Variants in TMOD3 observed in about 807,000 individuals in gnomAD.
TMOD3 encodes the protein tropomodulin 3.
TMOD3 carries 20 observed loss-of-function variants against 39.2 expected under a neutral mutation model. That is an observed-to-expected ratio of 0.51 (90% CI 0.36 to 0.74). The LOEUF (loss-of-function observed/expected upper bound fraction) is 0.74. TMOD3 is among the 30% of genes least tolerant of loss of function. The pLI is 0.00. For synonymous variants in TMOD3, 143 were observed against 145.8 expected (o/e 0.98, Z 0.14); for missense variants, 381 against 412.8 (o/e 0.92, Z 0.67).
rs535466192 is a variant in TMOD3, at chr15:51,836,055, G to A, written c.-75+6219G>A. On this transcript the variant is annotated intron_variant, in intron 1 of 9. Transcript: ENST00000308580. ...AAAAAAGCTAAGATTTTCAAAGACA[G>A]GATTACCTTTCTGTGGAAATGCAGG... Among the ~76,000 whole-genome samples, 6 of 152,266 alleles carry A rather than the reference G, an allele frequency of 3.9e-5. No individual in the cohort carries two copies. The East Asian group carries it at 1.2e-3, about 29-fold the overall frequency.
In TMOD3 at chr15:51,896,464, A is replaced by G; in HGVS notation, c.673A>G (p.Thr225Ala). ...TLKDFAKALE[T>A]NTHVKCFSLA... Reference sequence around the variant, plus strand: ...AAAAGATTTTGCAAAGGCTTTGGAAACCAACACACATGTGAAATGTTTCAG... The same window carrying G: ...AAAAGATTTTGCAAAGGCTTTGGAAGCCAACACACATGTGAAATGTTTCAG... Residue 225 changes from threonine (T) to alanine (A), a missense_variant, in exon 7 of 10, where the codon ACC becomes GCC. Transcript: ENST00000308580. 6.2e-7 allele frequency: 1 copy of G among 1,613,768 alleles called. No individual in the cohort carries two copies. Among genetic ancestry groups the G allele is most frequent in the South Asian group, 1.1e-5 (1 of 91,026 alleles).
chr15:51,885,952 C>T (rs929393083), intron 3 of TMOD3, among the ~76,000 whole-genome samples: 20 of 150,454 alleles, frequency 1.3e-4, no homozygotes, highest in South Asian at 2.1e-4. Context: ...GGTGGCTGGC[C>T]GGGCAGGGGC....
At chr15:51,880,113 A>G (rs1179423814) in intron 3 of TMOD3, among the ~76,000 whole-genome samples, 2 of 152,178 alleles carry the variant, frequency 1.3e-5, no homozygotes, top group African/African-American at 4.8e-5. Flanking sequence ...TGTCATATGA[A>G]ATTATTCCAG....
At chr15:51,851,209 T>C (rs1314500572) in intron 1 of TMOD3, among the ~76,000 whole-genome samples, 2 of 152,028 alleles carry the variant, frequency 1.3e-5, no homozygotes. Context: ...AGAAAGAAGG[T>C]CAGGGAACTC....
chr15:51,842,320 A>G (rs1170237756), intron 1 of TMOD3, among the ~76,000 whole-genome samples: 3 of 152,176 alleles, frequency 2.0e-5, no homozygotes. Context: ...TCACCAGATT[A>G]CTTTTTTAAA....
At chr15:51,881,602 C>T (rs1428895884) in intron 3 of TMOD3, among the ~76,000 whole-genome samples, 4 of 103,452 alleles carry the variant, frequency 3.9e-5, no homozygotes, top group Non-Finnish European at 6.9e-5. Flanking sequence ...GCTCTTGTTG[C>T]CGGGGCTGGA....
At chr15:51,859,402 A>G in intron 1 of TMOD3, 2 of 681,228 alleles carry the variant, frequency 2.9e-6, no homozygotes, top group Non-Finnish European at 5.6e-6. Context: ...AATGTTCACC[A>G]TCTTGCAGGA....
chr15:51,877,285 G>A (rs1270084180), intron 3 of TMOD3, among the ~76,000 whole-genome samples: 2 of 152,018 alleles, frequency 1.3e-5, no homozygotes, highest in Non-Finnish European at 2.9e-5. Context: ...ACTTTCCAGT[G>A]CTGGATGTAT....
intron 1 of TMOD3, among the ~76,000 whole-genome samples, chr15:51,855,841 T>A (rs142398490): frequency 6.6e-6 from 1 of 152,336 alleles, no homozygotes; most frequent in East Asian, 1.9e-4. Context: ...CCTAAGCAGT[T>A]TCTGAGCTCC....
At chr15:51,868,755 T>A (rs937604279) in intron 2 of TMOD3, among the ~76,000 whole-genome samples, 3 of 152,214 alleles carry the variant, frequency 2.0e-5, no homozygotes, top group Admixed American at 6.5e-5. Context: ...GCAGATCATC[T>A]GAAGTCAGGA....
intron 3 of TMOD3, among the ~76,000 whole-genome samples, chr15:51,884,926 A>C (rs2056552184): frequency 6.6e-6 from 1 of 152,234 alleles, no homozygotes; most frequent in Admixed American, 6.5e-5. Flanking sequence ...TTGCTTTAAG[A>C]GTGGTCTGTG....
chr15:51,845,263 G>GA (rs35698198), intron 1 of TMOD3, among the ~76,000 whole-genome samples: 2 of 152,058 alleles, frequency 1.3e-5, no homozygotes, highest in Non-Finnish European at 2.9e-5. Flanking sequence ...TGTGCTCAGT[G>GA]AAAAAAAGGC....
intron 1 of TMOD3, among the ~76,000 whole-genome samples, chr15:51,835,743 A>G (rs1028643550): frequency 1.7e-4 from 26 of 152,222 alleles, no homozygotes; most frequent in African/African-American, 5.5e-4. Context: ...TAATACACTA[A>G]GTTTTAAAAA....
rs983797429 is a variant in TMOD3, at chr15:51,901,744, T to C, written c.880-148T>C. 11 of 787,352 alleles carry C rather than the reference T, an allele frequency of 1.4e-5. No individual in the cohort carries two copies. The African/African-American group carries it at 1.9e-4, about 14-fold the overall frequency. The allele number at this position is 787,352 out of a possible 1,614,324, so 48.8% of individuals were successfully genotyped here. A position where few individuals can be genotyped will look rare whatever the true frequency, so the allele number is the denominator to read the frequency against. On this transcript the variant is annotated intron_variant, in intron 8 of 9. Coordinates refer to ENST00000308580, the MANE Select transcript of TMOD3 (RefSeq NM_014547.5). ...TTTGTTCTCAGTTACAAATCAGTAC[T>C]TGGAACTACTGAACTATGTATATGT...
At chr15:51,906,707 C>T (rs962125813) in intron 9 of TMOD3, among the ~76,000 whole-genome samples, 2 of 152,106 alleles carry the variant, frequency 1.3e-5, no homozygotes, top group Non-Finnish European at 1.5e-5. Context: ...TCAAAATTTT[C>T]GTTGAAATGT....
At chr15:51,904,045 G>A (rs532321969) in intron 9 of TMOD3, among the ~76,000 whole-genome samples, 9 of 152,218 alleles carry the variant, frequency 5.9e-5, no homozygotes, top group Non-Finnish European at 1.3e-4. Flanking sequence ...ACAGAAAAGT[G>A]ACAGAGCGAG....
At chr15:51,835,354 G>GT (rs1427371490) in intron 1 of TMOD3, among the ~76,000 whole-genome samples, 1 of 152,176 alleles carries the variant, frequency 6.6e-6, no homozygotes, top group Non-Finnish European at 1.5e-5. Flanking sequence ...CCAGTTTGGA[G>GT]TGCAGTAGTG....
chr15:51,848,358 C>G (rs1238495747), intron 1 of TMOD3, among the ~76,000 whole-genome samples: 2 of 152,168 alleles, frequency 1.3e-5, no homozygotes, highest in Non-Finnish European at 2.9e-5. Context: ...TACTCAGCCT[C>G]AACAATCCCA....
At chr15:51,845,095 TC>T (rs1222693185) in intron 1 of TMOD3, among the ~76,000 whole-genome samples, 2 of 152,178 alleles carry the variant, frequency 1.3e-5, no homozygotes, top group Admixed American at 6.5e-5. Flanking sequence ...AGTATTTTTT[TC>T]CCCCAAGATT....
Sources: gnomAD v4.1 joint callset for allele counts (sites outside exome capture counted in the v4.1 genomes callset) on GRCh38, gnomAD v4.1.1 for gene constraint, MANE v1.5 for transcripts, NCBI Gene and HGNC (gene_info 2026-07-23, HGNC 2026-07-21) for gene names.